The following ROBO1 variants were observed in gnomAD, a reference collection of about 807,000 sequenced individuals.
ROBO1 encodes the protein roundabout homolog 1.
ROBO1 carries 149 observed loss-of-function variants against 195.9 expected under a neutral mutation model. The ratio of observed to expected loss-of-function variants is 0.76; its 90% CI spans 0.67 to 0.87. The LOEUF (loss-of-function observed/expected upper bound fraction) is 0.87, where lower values mean the gene tolerates loss of function less well. ROBO1 is among the 40% of genes least tolerant of loss of function. ROBO1 has a pLI of 0.00. For missense variants in ROBO1, 1,933 were observed against 2,068.3 expected (o/e 0.93, Z 1.27); for synonymous variants, 816 against 733.2 (o/e 1.11, Z -1.82).
chr3:78,675,684 G>A (rs1029295128), intron 10 of ROBO1, among the ~76,000 whole-genome samples: 9 of 152,150 alleles, frequency 5.9e-5, no homozygotes, highest in Admixed American at 5.9e-4. Flanking sequence ...CTCGAACTGG[G>A]TGGAGCCCAC....
chr3:79,376,783 T>C (rs867010474), intron 2 of ROBO1, among the ~76,000 whole-genome samples: 3 of 152,152 alleles, frequency 2.0e-5, no homozygotes, highest in African/African-American at 7.2e-5. Context: ...ATACAGGTAG[T>C]ATTTTAAAGG....
At chr3:79,135,039 A>T (rs1053560248) in intron 2 of ROBO1, among the ~76,000 whole-genome samples, 9 of 10,188 alleles carry the variant, frequency 8.8e-4, no homozygotes, top group Middle Eastern at 0.071. Flanking sequence ...AGAGTATAAT[A>T]AAAAAAAACA....
intron 1 of ROBO1, among the ~76,000 whole-genome samples, chr3:79,753,155 T>C (rs1024506476): frequency 2.0e-5 from 3 of 152,162 alleles, no homozygotes; most frequent in Non-Finnish European, 4.4e-5. Context: ...TCAAAATATT[T>C]AGTATAGACC....
intron 3 of ROBO1, among the ~76,000 whole-genome samples, chr3:79,003,195 T>C (rs763782862): frequency 6.6e-5 from 10 of 152,172 alleles, no homozygotes; most frequent in Non-Finnish European, 1.0e-4. Flanking sequence ...CACATTGACA[T>C]GGCAATCTGC....
At chr3:78,624,351 C>T (rs1446558404) in intron 26 of ROBO1, among the ~76,000 whole-genome samples, 1 of 151,978 alleles carries the variant, frequency 6.6e-6, no homozygotes, top group East Asian at 1.9e-4. Context: ...GCAGTTAAAG[C>T]ACTTTTTAAA....
At chr3:79,662,113 G>A (rs78413157) in intron 1 of ROBO1, among the ~76,000 whole-genome samples, 11 of 152,050 alleles carry the variant, frequency 7.2e-5, no homozygotes, top group African/African-American at 2.4e-4. Context: ...TGAAATAACC[G>A]TGGCTGCTAT....
chr3:79,672,865 G>T (rs542028803), intron 1 of ROBO1, among the ~76,000 whole-genome samples: 1 of 152,080 alleles, frequency 6.6e-6, no homozygotes, highest in African/African-American at 2.4e-5. Context: ...GTGCCATGCA[G>T]AAGGTACAAT....
chr3:79,018,869 G>C, intron 3 of ROBO1: 1 of 1,004,630 alleles, frequency 1.0e-6, no homozygotes, highest in Non-Finnish European at 1.2e-6. Flanking sequence ...CGGCGGCAAA[G>C]TTGGGGTGTG....
chr3:78,901,882 G>T (rs775983951), intron 4 of ROBO1, among the ~76,000 whole-genome samples: 1 of 152,184 alleles, frequency 6.6e-6, no homozygotes, highest in South Asian at 2.1e-4. Context: ...TACTCCTGGG[G>T]TAGGGAGGGG....
At chr3:79,639,050 T>C (rs1945579694) in intron 1 of ROBO1, among the ~76,000 whole-genome samples, 1 of 152,214 alleles carries the variant, frequency 6.6e-6, no homozygotes, top group African/African-American at 2.4e-5. Context: ...TAATGTTCAC[T>C]TGCATAGCAT....
intron 2 of ROBO1, among the ~76,000 whole-genome samples, chr3:79,460,170 G>C (rs919765032): frequency 2.6e-5 from 4 of 152,052 alleles, no homozygotes; most frequent in Non-Finnish European, 1.5e-5. Context: ...GAAGTGCCTG[G>C]TTAGAAGGAA....
intron 2 of ROBO1, among the ~76,000 whole-genome samples, chr3:79,504,007 T>C (rs1940259318): frequency 6.6e-6 from 1 of 152,162 alleles, no homozygotes; most frequent in African/African-American, 2.4e-5. Flanking sequence ...GACTCTTGAG[T>C]TTCAATAAAA....
intron 2 of ROBO1, among the ~76,000 whole-genome samples, chr3:79,461,254 C>A (rs1937625771): frequency 6.6e-6 from 1 of 152,058 alleles, no homozygotes; most frequent in Non-Finnish European, 1.5e-5. Context: ...TGCCCTGTTG[C>A]ATCTGGGCTT....
At chr3:79,389,182 A>T (rs566352136) in intron 2 of ROBO1, among the ~76,000 whole-genome samples, 1 of 152,126 alleles carries the variant, frequency 6.6e-6, no homozygotes, top group African/African-American at 2.4e-5. Flanking sequence ...TAGAATAAAA[A>T]ACTAACCCTG....
intron 2 of ROBO1, among the ~76,000 whole-genome samples, chr3:79,308,656 A>G (rs2033338012): frequency 6.6e-6 from 1 of 152,194 alleles, no homozygotes; most frequent in Non-Finnish European, 1.5e-5. Context: ...GTCCTCTCTG[A>G]TAAAATGAGG....
At chr3:79,182,604 G>T (rs2081360668) in intron 2 of ROBO1, among the ~76,000 whole-genome samples, 1 of 151,806 alleles carries the variant, frequency 6.6e-6, no homozygotes, top group African/African-American at 2.4e-5. Flanking sequence ...AGTGGGGATG[G>T]GTAGGAGATA....
chr3:79,082,052 A>C (rs1247841688), intron 3 of ROBO1, among the ~76,000 whole-genome samples: 1 of 152,140 alleles, frequency 6.6e-6, no homozygotes, highest in Non-Finnish European at 1.5e-5. Context: ...TATACAAAAG[A>C]AAATATTACC....
chr3:79,228,002 C>T (rs890634198), intron 2 of ROBO1, among the ~76,000 whole-genome samples: 1 of 152,014 alleles, frequency 6.6e-6, no homozygotes, highest in African/African-American at 2.4e-5. Context: ...ATAGCCTCAA[C>T]TATTTTGATT....
At chr3:79,021,222 G>T (rs142828442) in intron 3 of ROBO1, among the ~76,000 whole-genome samples, 104 of 152,240 alleles carry the variant, frequency 6.8e-4, no homozygotes, top group Middle Eastern at 3.4e-3. Context: ...AGCATACATC[G>T]ATTTGGTCTT....
Sources: allele counts gnomAD v4.1 joint callset (sites outside exome capture counted in the v4.1 genomes callset), GRCh38; gene constraint gnomAD v4.1.1; transcripts MANE v1.5; gene names NCBI Gene and HGNC (gene_info 2026-07-23, HGNC 2026-07-21).